The following MYO5B variants were observed in gnomAD, a reference collection of about 807,000 sequenced individuals.
The protein encoded by MYO5B is unconventional myosin-Vb.
Under a neutral mutation model 229.3 loss-of-function variants are expected in MYO5B, and 143 were observed. That is an observed-to-expected ratio of 0.62 (90% CI 0.54 to 0.72). The LOEUF (loss-of-function observed/expected upper bound fraction) is 0.72, where lower values mean the gene tolerates loss of function less well. MYO5B is among the 30% of genes least tolerant of loss of function. The probability of loss-of-function intolerance (pLI) is 0.00; values close to 1 mark genes in which losing one functional copy is unlikely to be tolerated. For missense variants in MYO5B, 2,321 were observed against 2,331.0 expected (o/e 1.00, Z 0.09); for synonymous variants, 918 against 885.2 (o/e 1.04, Z -0.66).
chr18:50,080,896 T>C (rs1296041705), intron 1 of MYO5B, among the ~76,000 whole-genome samples: 1 of 152,154 alleles, frequency 6.6e-6, no homozygotes, highest in Admixed American at 6.5e-5. Flanking sequence ...TTAAGTCACT[T>C]GCCAGCCCGT....
intron 10 of MYO5B, among the ~76,000 whole-genome samples, chr18:49,971,839 CTG>C (rs1190058696): frequency 6.6e-6 from 1 of 152,172 alleles, no homozygotes; most frequent in Admixed American, 6.5e-5. Flanking sequence ...AGAGGAGTAA[CTG>C]TGCATGGGAC....
At chr18:49,863,918 T>C (rs925910650) in intron 28 of MYO5B, among the ~76,000 whole-genome samples, 1 of 152,188 alleles carries the variant, frequency 6.6e-6, no homozygotes, top group African/African-American at 2.4e-5. Context: ...CATCTTCATA[T>C]TAACTTCAGA....
intron 22 of MYO5B, among the ~76,000 whole-genome samples, chr18:49,882,226 C>T (rs1416956992): frequency 1.3e-5 from 2 of 152,168 alleles, no homozygotes; most frequent in Non-Finnish European, 2.9e-5. Context: ...CCATTCCCCA[C>T]AGAATAATCT....
Position 49,945,307 on chromosome 18 carries a change from T to A in MYO5B, c.1753-7910A>T, listed in dbSNP as rs1343139276. Among the ~76,000 whole-genome samples the A allele has an allele frequency of 6.6e-5, 10 of 152,310 alleles. No individual in the cohort carries two copies. The East Asian group carries it at 1.9e-3, about 29-fold the overall frequency. On this transcript the variant is annotated intron_variant, in intron 14 of 39. Transcript: ENST00000285039. ...CCAGCTCGCTCTTCTTTCCTCTAGG[T>A]GTTCCACTGGGAACTCCGAATTCAA...
At chr18:49,839,965 G>A (rs1314972171) in intron 35 of MYO5B, 1 of 156,456 alleles carries the variant, frequency 6.4e-6, no homozygotes, top group Non-Finnish European at 1.4e-5. Context: ...CTTCAGCAAG[G>A]CCTGTTGTAC....
intron 1 of MYO5B, among the ~76,000 whole-genome samples, chr18:50,107,660 A>C (rs1270224378): frequency 6.6e-6 from 1 of 152,174 alleles, no homozygotes; most frequent in Non-Finnish European, 1.5e-5. Flanking sequence ...TCCGGTTTTC[A>C]TGCCACACAG....
At chr18:50,158,873 T>C (rs1424978467) in intron 1 of MYO5B, among the ~76,000 whole-genome samples, 5 of 152,178 alleles carry the variant, frequency 3.3e-5, no homozygotes, top group Admixed American at 3.3e-4. Flanking sequence ...GTAAGAATGA[T>C]AATGTGTATG....
chr18:49,865,822 T>A (rs2024389220), intron 27 of MYO5B, among the ~76,000 whole-genome samples: 1 of 152,138 alleles, frequency 6.6e-6, no homozygotes, highest in South Asian at 2.1e-4. Context: ...CTCTGGCTGT[T>A]TTTCAAGGAT....
rs1568045823 is a variant in MYO5B, at chr18:49,954,408, C to T, written c.1573G>A (p.Ala525Thr). The change falls in exon 13 of 40, where the codon GCT (alanine) becomes ACT (threonine). Residue 525 changes from alanine (A) to threonine (T), a missense_variant. This residue lies in a region of MYO5B where 2,113 missense variants were observed against 2,044.7 expected (regional missense o/e 1.03). Coordinates refer to ENST00000285039, the MANE Select transcript of MYO5B (RefSeq NM_001080467.3). ...GAGTGCCGGTCATAGAGCTTCTGAG[C>T]CCAGTTCTGGTCAGTTCCTTTGGGG... The part of the protein sequence containing the change: ...KVPKGTDQNW[A>T]QKLYDRHSSS... 1 of 1,613,958 alleles carries T rather than the reference C, an allele frequency of 6.2e-7. No individual in the cohort carries two copies. Among genetic ancestry groups the T allele is most frequent in the Non-Finnish European group, 8.5e-7 (1 of 1,179,946 alleles).
chr18:50,013,592 T>C (rs773195395), intron 4 of MYO5B, among the ~76,000 whole-genome samples: 1 of 152,194 alleles, frequency 6.6e-6, no homozygotes, highest in African/African-American at 2.4e-5. Context: ...GTAATTCCAA[T>C]GGATTACTCA....
chr18:49,900,120 G>A (rs971311416), intron 21 of MYO5B, among the ~76,000 whole-genome samples: 13 of 152,176 alleles, frequency 8.5e-5, no homozygotes, highest in East Asian at 7.7e-4. Context: ...AGGGTGCAGC[G>A]GTCAATGCCT....
At chr18:50,044,606 A>C (rs1002999097) in intron 2 of MYO5B, among the ~76,000 whole-genome samples, 4 of 152,126 alleles carry the variant, frequency 2.6e-5, no homozygotes, top group African/African-American at 9.7e-5. Flanking sequence ...CAGGAGGCCT[A>C]GAGTAGGAAC....
intron 3 of MYO5B, among the ~76,000 whole-genome samples, chr18:50,037,452 A>G (rs2144384846): frequency 6.6e-6 from 1 of 152,354 alleles, no homozygotes; most frequent in South Asian, 2.1e-4. Flanking sequence ...CGGACAGAGA[A>G]TACAATTTAC....
chr18:50,025,727 C>G (rs571494125), intron 4 of MYO5B, among the ~76,000 whole-genome samples: 60 of 152,234 alleles, frequency 3.9e-4, no homozygotes, highest in Admixed American at 1.2e-3. Flanking sequence ...GAATGGCCAC[C>G]TTCTCTCATC....
intron 22 of MYO5B, among the ~76,000 whole-genome samples, chr18:49,882,695 G>A (rs920164537): frequency 6.7e-6 from 1 of 149,784 alleles, no homozygotes; most frequent in Non-Finnish European, 1.5e-5. Context: ...GATGACGCAT[G>A]TGAAGTACCA....
intron 14 of MYO5B, among the ~76,000 whole-genome samples, chr18:49,943,219 G>A (rs540412891): frequency 8.7e-6 from 1 of 115,064 alleles, no homozygotes. Flanking sequence ...ACTGTTGTGG[G>A]GTGGGGGGAG....
At chr18:50,055,171 A>T in intron 2 of MYO5B, 97 bp downstream of exon 2, 1 of 840,180 alleles carries the variant, frequency 1.2e-6, no homozygotes, top group Non-Finnish European at 2.0e-6. Context: ...TCCAGGGAAA[A>T]CTCCAGCCCA....
intron 39 of MYO5B, among the ~76,000 whole-genome samples, chr18:49,830,317 G>A (rs1285514392): frequency 2.0e-5 from 3 of 152,000 alleles, no homozygotes; most frequent in East Asian, 1.9e-4. Flanking sequence ...AAAATACTTA[G>A]GAATAAATCT....
At chr18:50,115,780 T>C (rs1474193877) in intron 1 of MYO5B, among the ~76,000 whole-genome samples, 1 of 149,870 alleles carries the variant, frequency 6.7e-6, no homozygotes, top group African/African-American at 2.5e-5. Flanking sequence ...GGACAGTGTA[T>C]GGGGAACAGT....
Sources: gnomAD v4.1 joint callset for allele counts (sites outside exome capture counted in the v4.1 genomes callset) on GRCh38, gnomAD v4.1.1 for gene constraint, gnomAD v4.1.1 regional missense constraint, MANE v1.5 for transcripts, NCBI Gene and HGNC (gene_info 2026-07-23, HGNC 2026-07-21) for gene names.